The following PLXDC1 variants were observed in gnomAD, a reference collection of about 807,000 sequenced individuals.
PLXDC1 encodes plexin domain containing 1, also known as plexin domain-containing protein 1.
Under a neutral mutation model 61.3 loss-of-function variants are expected in PLXDC1, and 39 were observed. The observed-to-expected ratio is 0.64, with a 90% CI of 0.49 to 0.83. The LOEUF (loss-of-function observed/expected upper bound fraction) is 0.83. Ranked by LOEUF, PLXDC1 falls within the 40% of genes least tolerant of loss-of-function variation. PLXDC1 has a pLI of 0.00. For missense variants in PLXDC1, 596 were observed against 666.5 expected (o/e 0.89, Z 1.17); for synonymous variants, 212 against 254.5 (o/e 0.83, Z 1.59).
At chr17:39,131,696 C>A in intron 2 of PLXDC1, 1 of 152,890 alleles carries the variant, frequency 6.5e-6, no homozygotes. Flanking sequence ...CCTAACTTTC[C>A]CCTCCCTCCA....
intron 2 of PLXDC1, among the ~76,000 whole-genome samples, chr17:39,122,585 T>C (rs1357818321): frequency 6.6e-6 from 1 of 152,064 alleles, no homozygotes; most frequent in Non-Finnish European, 1.5e-5. Context: ...ATAATCCATA[T>C]TGATGTGCCT....
intron 11 of PLXDC1, 194 bp from the exon 12 acceptor site, chr17:39,072,679 C>T (rs1233476330): frequency 8.2e-6 from 5 of 611,056 alleles, no homozygotes; most frequent in South Asian, 5.3e-5. Context: ...AGTAAATGAG[C>T]GGGGACTGGT....
intron 11 of PLXDC1, 39 bp downstream of exon 11, chr17:39,077,874 T>C: frequency 1.9e-6 from 3 of 1,611,468 alleles, no homozygotes; most frequent in Non-Finnish European, 2.5e-6. Context: ...CTCTCCTTCC[T>C]GGCCTCCTCT....
chr17:39,138,287 G>A (rs1445408808), intron 2 of PLXDC1, among the ~76,000 whole-genome samples: 3 of 152,062 alleles, frequency 2.0e-5, no homozygotes, highest in Non-Finnish European at 2.9e-5. Flanking sequence ...ATGTAGCTAC[G>A]GTAGGCACAG....
intron 4 of PLXDC1, 144 bp downstream of exon 4, chr17:39,108,760 C>A: frequency 1.5e-6 from 1 of 646,472 alleles, no homozygotes; most frequent in Non-Finnish European, 2.8e-6. Flanking sequence ...GACCCCCCTC[C>A]TGAGAATCAG....
intron 6 of PLXDC1, among the ~76,000 whole-genome samples, chr17:39,107,030 G>T (rs1264925067): frequency 2.0e-5 from 3 of 152,142 alleles, no homozygotes; most frequent in Admixed American, 6.5e-5. Flanking sequence ...GTGTGCTGTT[G>T]TCTCTCCTAG....
At chr17:39,118,002 T>C (rs1348493829) in intron 2 of PLXDC1, among the ~76,000 whole-genome samples, 3 of 152,258 alleles carry the variant, frequency 2.0e-5, no homozygotes, top group East Asian at 3.9e-4. Context: ...AGTGATGCAA[T>C]GAAAGCTATT....
intron 2 of PLXDC1, 136 bp downstream of exon 2, chr17:39,139,518 T>C: frequency 3.9e-6 from 3 of 768,280 alleles, no homozygotes; most frequent in Non-Finnish European, 6.1e-6. Context: ...CCCCGGGGAT[T>C]CTTCTCTCCA....
At chr17:39,135,300 C>T (rs3025177) in intron 2 of PLXDC1, among the ~76,000 whole-genome samples, 2,389 of 152,302 alleles carry the variant, frequency 0.016, 22 homozygotes, top group East Asian at 0.038. Flanking sequence ...GAGGGGATCA[C>T]AAAGCCCCTG....
chr17:39,128,149 G>GTATGTATATATA (rs1567769629), intron 2 of PLXDC1, among the ~76,000 whole-genome samples: 4 of 49,504 alleles, frequency 8.1e-5, no homozygotes, highest in Non-Finnish European at 1.2e-4. Flanking sequence ...GTATATATAT[G>GTATGTATATATA]TGTGTATATA....
chr17:39,116,527 A>C (rs1007746021), intron 2 of PLXDC1, among the ~76,000 whole-genome samples: 2 of 152,188 alleles, frequency 1.3e-5, no homozygotes, highest in Non-Finnish European at 2.9e-5. Context: ...CACAAAAGCC[A>C]CTTGTGGAGG....
intron 2 of PLXDC1, among the ~76,000 whole-genome samples, chr17:39,127,947 A>C (rs1296315457): frequency 1.5e-5 from 2 of 135,680 alleles, no homozygotes; most frequent in African/African-American, 3.3e-5. Flanking sequence ...ATCTCACAAA[A>C]AAAAAAAAAA....
intron 7 of PLXDC1, among the ~76,000 whole-genome samples, chr17:39,098,026 A>G (rs1910280972): frequency 6.6e-6 from 1 of 151,712 alleles, no homozygotes. Flanking sequence ...CAACATGGTG[A>G]AACCCCGTCT....
chr17:39,119,592 CA>C (rs1911094064), intron 2 of PLXDC1, among the ~76,000 whole-genome samples: 1 of 151,794 alleles, frequency 6.6e-6, no homozygotes, highest in Non-Finnish European at 1.5e-5. Context: ...CAAAAAATAC[CA>C]AAACTGGCCA....
intron 2 of PLXDC1, among the ~76,000 whole-genome samples, chr17:39,115,313 G>A (rs1167762307): frequency 6.6e-6 from 1 of 152,254 alleles, no homozygotes; most frequent in Non-Finnish European, 1.5e-5. Context: ...TCCCAGGGAA[G>A]GCAAGAGCCT....
At chr17:39,139,354 C>T (rs1363338543) in intron 2 of PLXDC1, among the ~76,000 whole-genome samples, 1 of 152,204 alleles carries the variant, frequency 6.6e-6, no homozygotes, top group Non-Finnish European at 1.5e-5. Flanking sequence ...TTCCCTAAGT[C>T]ATGGGAGAGT....
intron 7 of PLXDC1, among the ~76,000 whole-genome samples, chr17:39,102,918 T>C (rs2143631825): frequency 6.6e-6 from 1 of 152,268 alleles, no homozygotes. Flanking sequence ...CCAGATACAC[T>C]TATTCATGAA....
At chr17:39,109,125 C>T (rs16490) in intron 3 of PLXDC1, 123 bp downstream of exon 3, 1,077,562 of 1,344,730 alleles carry the variant, frequency 0.8, 433,160 homozygotes, top group South Asian at 0.88. Context: ...CCCATGGGAA[C>T]CCCTGGAAGG....
intron 12 of PLXDC1, among the ~76,000 whole-genome samples, chr17:39,071,592 C>A (rs1909119908): frequency 6.6e-6 from 1 of 152,138 alleles, no homozygotes; most frequent in Non-Finnish European, 1.5e-5. Context: ...CCTCCCCTGA[C>A]CTGGATGGCA....
Sources: gnomAD v4.1 joint callset for allele counts (sites outside exome capture counted in the v4.1 genomes callset) on GRCh38, gnomAD v4.1.1 for gene constraint, MANE v1.5 for transcripts, NCBI Gene and HGNC (gene_info 2026-07-23, HGNC 2026-07-21) for gene names.